CCDC178: variants seen among roughly 807,000 people sequenced by gnomAD.
CCDC178 encodes coiled-coil domain-containing protein 178.
CCDC178 carries 126 observed loss-of-function variants against 117.4 expected under a neutral mutation model. The ratio of observed to expected loss-of-function variants is 1.07; its 90% CI spans 0.93 to 1.24. The LOEUF (loss-of-function observed/expected upper bound fraction) is 1.24, where lower values mean the gene tolerates loss of function less well. Among genes scored for constraint, CCDC178 ranks in the 50% most tolerant of loss-of-function variants. The probability of loss-of-function intolerance (pLI) is 0.00; values close to 1 mark genes in which losing one functional copy is unlikely to be tolerated. For synonymous variants in CCDC178, 283 were observed against 313.4 expected (o/e 0.90, Z 1.02); for missense variants, 1,030 against 986.9 (o/e 1.04, Z -0.59).
At chr18:33,055,067 T>G (rs2056807145) in intron 21 of CCDC178, among the ~76,000 whole-genome samples, 1 of 152,202 alleles carries the variant, frequency 6.6e-6, no homozygotes, top group South Asian at 2.1e-4. Flanking sequence ...TGGCTGCATG[T>G]ATGTCTTCTT....
chr18:33,057,859 C>T (rs2056857235), intron 21 of CCDC178, among the ~76,000 whole-genome samples: 1 of 152,224 alleles, frequency 6.6e-6, no homozygotes, highest in Admixed American at 6.5e-5. Context: ...TATTTTGTAT[C>T]TAGACACCAA....
intron 21 of CCDC178, among the ~76,000 whole-genome samples, chr18:33,065,598 G>C (rs956378832): frequency 2.6e-5 from 4 of 152,150 alleles, no homozygotes; most frequent in Admixed American, 2.6e-4. Flanking sequence ...AATTCCAATA[G>C]ATTCAGCCTC....
chr18:33,023,594 A>G (rs2056165616), intron 21 of CCDC178, among the ~76,000 whole-genome samples: 1 of 152,170 alleles, frequency 6.6e-6, no homozygotes, highest in South Asian at 2.1e-4. Context: ...AAAAATTAAT[A>G]GCACTAGGTG....
chr18:33,345,503 T>C (rs1036667466), intron 9 of CCDC178, among the ~76,000 whole-genome samples: 8 of 152,236 alleles, frequency 5.3e-5, no homozygotes, highest in Admixed American at 3.9e-4. Context: ...GCAAATTTAC[T>C]ATTAAATTCT....
chr18:33,242,654 A>G (rs1179000655), intron 15 of CCDC178, among the ~76,000 whole-genome samples: 3 of 151,946 alleles, frequency 2.0e-5, no homozygotes, highest in African/African-American at 7.2e-5. Flanking sequence ...AATACAAGAA[A>G]AAAAGTTCAA....
chr18:33,379,399 G>C (rs2063411291), intron 5 of CCDC178, among the ~76,000 whole-genome samples: 1 of 151,964 alleles, frequency 6.6e-6, no homozygotes, highest in Non-Finnish European at 1.5e-5. Context: ...GCCAGCTGTG[G>C]CCAACGTTGC....
chr18:33,107,522 C>T (rs2057723731), intron 20 of CCDC178, among the ~76,000 whole-genome samples: 1 of 151,728 alleles, frequency 6.6e-6, no homozygotes, highest in East Asian at 1.9e-4. Flanking sequence ...ACTTCTAAAA[C>T]TCTGAAAATC....
At chr18:33,416,451 GC>G (rs2063943029) in intron 2 of CCDC178, among the ~76,000 whole-genome samples, 1 of 150,824 alleles carries the variant, frequency 6.6e-6, no homozygotes, top group Non-Finnish European at 1.5e-5. Context: ...GAAAAAAACT[GC>G]CCCCACAAAG....
At chr18:33,421,095 A>C (rs1270694472) in intron 2 of CCDC178, among the ~76,000 whole-genome samples, 2 of 152,210 alleles carry the variant, frequency 1.3e-5, no homozygotes, top group African/African-American at 4.8e-5. Flanking sequence ...TCTACCTATA[A>C]TTAACTGAAG....
intron 10 of CCDC178, among the ~76,000 whole-genome samples, chr18:33,324,550 A>G (rs1314761461): frequency 1.3e-5 from 2 of 151,942 alleles, no homozygotes; most frequent in Non-Finnish European, 2.9e-5. Flanking sequence ...GTGGAACAGA[A>G]GAAAGCCTAT....
intron 22 of CCDC178, among the ~76,000 whole-genome samples, chr18:32,972,797 A>G (rs2054955910): frequency 6.6e-6 from 1 of 152,114 alleles, no homozygotes. Context: ...TGAAGGTTGT[A>G]GACTTGATTT....
chr18:33,239,122 A>C (rs1438811646), intron 15 of CCDC178, among the ~76,000 whole-genome samples: 2 of 152,132 alleles, frequency 1.3e-5, no homozygotes, highest in Non-Finnish European at 2.9e-5. Flanking sequence ...AAGGCCCAAT[A>C]GGTTTCACAT....
chr18:32,984,128 G>C (rs1403442075), intron 21 of CCDC178, among the ~76,000 whole-genome samples: 1 of 151,762 alleles, frequency 6.6e-6, no homozygotes, highest in Non-Finnish European at 1.5e-5. Context: ...ATGTACTTAA[G>C]AAAAATAAGA....
intron 22 of CCDC178, among the ~76,000 whole-genome samples, chr18:32,944,797 T>A (rs2054309930): frequency 6.6e-6 from 1 of 152,144 alleles, no homozygotes; most frequent in Non-Finnish European, 1.5e-5. Context: ...TCCCCCATAC[T>A]GTTCTCATGG....
intron 16 of CCDC178, among the ~76,000 whole-genome samples, chr18:33,226,032 A>G (rs558380618): frequency 6.6e-6 from 1 of 152,220 alleles, no homozygotes; most frequent in East Asian, 1.9e-4. Context: ...ATGGTGGTGC[A>G]TGCCTGTAAT....
chr18:33,235,562 C>T (rs2144662430), intron 15 of CCDC178, among the ~76,000 whole-genome samples: 1 of 152,266 alleles, frequency 6.6e-6, no homozygotes. Flanking sequence ...TTTATGTCTA[C>T]TTTATTCCTT....
At chr18:33,436,012 A>T (rs1158352450) in intron 2 of CCDC178, among the ~76,000 whole-genome samples, 8 of 152,156 alleles carry the variant, frequency 5.3e-5, no homozygotes, top group Non-Finnish European at 1.2e-4. Context: ...GGTTTGATGG[A>T]TACATAGTTT....
intron 3 of CCDC178, among the ~76,000 whole-genome samples, chr18:33,398,499 T>C (rs2063669388): frequency 6.6e-6 from 1 of 152,186 alleles, no homozygotes; most frequent in South Asian, 2.1e-4. Flanking sequence ...TTCATAATGA[T>C]TTTCCTAAAT....
intron 14 of CCDC178, among the ~76,000 whole-genome samples, chr18:33,262,669 C>T (rs1160060252): frequency 2.6e-5 from 4 of 152,078 alleles, no homozygotes; most frequent in Non-Finnish European, 5.9e-5. Flanking sequence ...CACAAGCACA[C>T]AGGTCAGATC....
Sources: allele counts gnomAD v4.1 joint callset (sites outside exome capture counted in the v4.1 genomes callset), GRCh38; gene constraint gnomAD v4.1.1; transcripts MANE v1.5; gene names NCBI Gene and HGNC (gene_info 2026-07-23, HGNC 2026-07-21).